Variants in ZNF608 observed in about 807,000 individuals in gnomAD.
The protein encoded by ZNF608 is zinc finger protein 608.
In ZNF608, 12 loss-of-function variants were observed where a neutral mutation model predicts 109.0. That is an observed-to-expected ratio of 0.11 (90% CI 0.07 to 0.18). The LOEUF (loss-of-function observed/expected upper bound fraction) is 0.18, where lower values mean the gene tolerates loss of function less well. ZNF608 is among the 10% of genes least tolerant of loss of function. The pLI is 1.00. For synonymous variants in ZNF608, 732 were observed against 717.4 expected (o/e 1.02, Z -0.33); for missense variants, 1,707 against 1,879.3 (o/e 0.91, Z 1.70).
At chr5:124,740,499 G>T (rs1749341955) in intron 2 of ZNF608, among the ~76,000 whole-genome samples, 1 of 121,334 alleles carries the variant, frequency 8.2e-6, no homozygotes. Context: ...ATTCATATGG[G>T]ACACTATATT....
intron 2 of ZNF608, among the ~76,000 whole-genome samples, chr5:124,722,441 G>A (rs1753964986): frequency 6.6e-6 from 1 of 152,022 alleles, no homozygotes; most frequent in South Asian, 2.1e-4. Flanking sequence ...ATATTCCTAG[G>A]GCTGGAGCTG....
intron 4 of ZNF608, 39 bp downstream of exon 4, chr5:124,649,571 A>T (rs755672544): frequency 6.7e-7 from 1 of 1,487,410 alleles, no homozygotes. Context: ...CTGCAAAGAG[A>T]GGATGGGGAA....
Position 124,701,083 on chromosome 5 carries a change from A to G in ZNF608, c.1093T>C (p.Cys365Arg). ...GTCCCAGGTTCACAGGGCCCAAGACACTCTGGCTCTGTCACTACTCCAACT... is the reference window on the plus strand; with the variant it reads ...GTCCCAGGTTCACAGGGCCCAAGACGCTCTGGCTCTGTCACTACTCCAACT... The part of the protein sequence containing the change: ...CEVGVVTEPE[C>R]LGPCEPGTSV... The change falls in exon 3 of 10, where the codon TGT (cysteine) becomes CGT (arginine). Residue 365 changes from cysteine (C) to arginine (R), a missense_variant. Around this residue, in one of 7 missense-constraint regions of ZNF608, gnomAD observed 16 missense variants for 37.0 expected, o/e 0.43. Coordinates refer to ENST00000513986, the MANE Select transcript of ZNF608 (RefSeq NM_020747.3). 1 of 1,614,106 alleles carries G rather than the reference A, an allele frequency of 6.2e-7. No homozygotes were observed. The highest frequency in any genetic ancestry group is 8.5e-7 in the Non-Finnish European group (1 of 1,180,014).
chr5:124,681,753 A>G (rs1240723465), intron 3 of ZNF608, among the ~76,000 whole-genome samples: 2 of 152,180 alleles, frequency 1.3e-5, no homozygotes, highest in East Asian at 1.9e-4. Context: ...GACTCTAAAA[A>G]AGGACTCATG....
At chr5:124,711,585 C>A (rs1753490669) in intron 2 of ZNF608, among the ~76,000 whole-genome samples, 2 of 152,324 alleles carry the variant, frequency 1.3e-5, no homozygotes, top group African/African-American at 4.8e-5. Context: ...CAGGCCCTCC[C>A]CTTTAGATGG....
chr5:124,707,417 G>A lies in ZNF608; in HGVS notation c.907-6148C>T, dbSNP rs549262112. Among the ~76,000 whole-genome samples the A allele has an allele frequency of 2.2e-3, 337 of 152,246 alleles. 1 individual carries two copies. Among genetic ancestry groups the A allele is most frequent in the African/African-American group, 6.5e-3 (271 of 41,538 alleles). ...GGGAAGCTTGCCACAGCTTTCTCAC[G>A]TCTATTGCCAAAAATATCCACACCG... is the stretch of plus-strand genomic sequence containing the variant. On this transcript the variant is annotated intron_variant, in intron 2 of 9. Transcript: ENST00000513986.
At chr5:124,690,522 C>G (rs1228028662) in intron 3 of ZNF608, among the ~76,000 whole-genome samples, 1 of 152,108 alleles carries the variant, frequency 6.6e-6, no homozygotes, top group Non-Finnish European at 1.5e-5. Context: ...TTCTGTGAAC[C>G]TAAAACTGCT....
chr5:124,700,860 G>A (rs569470692), intron 3 of ZNF608, among the ~76,000 whole-genome samples, 154 bp downstream of exon 3: 2 of 152,180 alleles, frequency 1.3e-5, no homozygotes, highest in African/African-American at 4.8e-5. Flanking sequence ...AGACAAACAC[G>A]GCTCTTACTT....
In ZNF608 at chr5:124,648,819, C is replaced by T. The variant is rs1291041603; in HGVS notation, c.1565G>A (p.Arg522His). Residue 522 changes from arginine (R) to histidine (H), a missense_variant, in exon 5 of 10, where the codon CGT becomes CAT. Arg to His is a conservative substitution (Grantham distance 29). Transcript: ENST00000513986. ...AGTGCTTCTGGAATTTGTGCGGACA[C>T]GCTTTCCAGGCTTATTGTCCTCAGA... Reference protein sequence around the residue: ...SSSEDNKPGKRVRTNSRSTPT... With the variant: ...SSSEDNKPGKHVRTNSRSTPT... 16 of 1,614,078 alleles carry T rather than the reference C, an allele frequency of 9.9e-6. No homozygotes were observed. The highest frequency in any genetic ancestry group is 1.3e-5 in the Non-Finnish European group (15 of 1,180,026).
chr5:124,661,704 T>C (rs1016134898), intron 3 of ZNF608, among the ~76,000 whole-genome samples: 9 of 152,180 alleles, frequency 5.9e-5, no homozygotes. Context: ...CTGCTCGGTG[T>C]CACTGCTTTA....
chr5:124,723,920 C>T (rs146905396), intron 2 of ZNF608, among the ~76,000 whole-genome samples: 1 of 151,682 alleles, frequency 6.6e-6, no homozygotes, highest in Non-Finnish European at 1.5e-5. Context: ...TATAAATTAT[C>T]AATATTTAGG....
At chr5:124,731,858 A>G (rs1237947686) in intron 2 of ZNF608, among the ~76,000 whole-genome samples, 7 of 152,186 alleles carry the variant, frequency 4.6e-5, no homozygotes, top group African/African-American at 1.7e-4. Context: ...AGTTTTAGAC[A>G]TTAACAGAAG....
intron 3 of ZNF608, among the ~76,000 whole-genome samples, chr5:124,700,555 C>A (rs1354902475): frequency 1.3e-5 from 2 of 152,270 alleles, no homozygotes; most frequent in Admixed American, 6.5e-5. Context: ...CAGCTGGCCA[C>A]AGCCACATCA....
intron 2 of ZNF608, among the ~76,000 whole-genome samples, chr5:124,709,170 CAAAAAAAAAAAAAAA>C (rs1156276798): frequency 3.1e-5 from 1 of 32,710 alleles, no homozygotes; most frequent in South Asian, 2.3e-3. Context: ...GACTCTGTCT[CAAAAAAAAAAAAAAA>C]AAAAAAAAAA....
intron 3 of ZNF608, among the ~76,000 whole-genome samples, chr5:124,658,168 T>A (rs1213903089): frequency 6.6e-6 from 1 of 152,128 alleles, no homozygotes. Context: ...ACAAGTCCCC[T>A]GAGCTTGCTT....
chr5:124,649,171 C>T (rs1432873465), intron 4 of ZNF608, 38 bp from the exon 5 acceptor site: 1 of 1,495,376 alleles, frequency 6.7e-7, no homozygotes, highest in South Asian at 1.4e-5. Context: ...ATGAGCATCC[C>T]CAAAAGAGCC....
chr5:124,686,486 C>T (rs1752416554), intron 3 of ZNF608, among the ~76,000 whole-genome samples: 1 of 152,188 alleles, frequency 6.6e-6, no homozygotes, highest in African/African-American at 2.4e-5. Flanking sequence ...TGCCCCAGTC[C>T]CAGTTGTGGC....
intron 2 of ZNF608, among the ~76,000 whole-genome samples, chr5:124,739,086 G>C (rs540359986): frequency 3.3e-5 from 5 of 152,068 alleles, no homozygotes; most frequent in African/African-American, 7.2e-5. Context: ...TCCCTTTCTC[G>C]ACTCTTTTGT....
At chr5:124,645,275 G>A (rs1248035632) in intron 5 of ZNF608, among the ~76,000 whole-genome samples, 13 of 152,078 alleles carry the variant, frequency 8.5e-5, no homozygotes, top group Non-Finnish European at 2.9e-5. Context: ...AATAGCACAC[G>A]TTATGGCTTC....
Sources: gnomAD v4.1 joint callset for allele counts (sites outside exome capture counted in the v4.1 genomes callset) on GRCh38, gnomAD v4.1.1 for gene constraint, gnomAD v4.1.1 regional missense constraint, MANE v1.5 for transcripts, NCBI Gene and HGNC (gene_info 2026-07-23, HGNC 2026-07-21) for gene names.